GALNT13: variants seen among roughly 807,000 people sequenced by gnomAD.
GALNT13 encodes polypeptide N-acetylgalactosaminyltransferase 13, also known as UDP-GalNAc:polypeptide N-acetylgalactosaminyltransferase 13.
In GALNT13, 28 loss-of-function variants were observed where a neutral mutation model predicts 64.2. The ratio of observed to expected loss-of-function variants is 0.44; its 90% CI spans 0.32 to 0.60. The LOEUF (loss-of-function observed/expected upper bound fraction) is 0.60. Among genes scored for constraint, GALNT13 ranks in the 20% least tolerant of loss-of-function variants. The pLI is 0.05. For synonymous variants in GALNT13, 214 were observed against 224.6 expected, an observed-to-expected ratio of 0.95 and a Z score of 0.42; for missense variants, 577 against 669.8, an observed-to-expected ratio of 0.86 and a Z score of 1.53.
chr2:153,978,432 C>T (rs1487602490), intron 3 of GALNT13, among the ~76,000 whole-genome samples: 1 of 152,056 alleles, frequency 6.6e-6, no homozygotes, highest in East Asian at 1.9e-4. Flanking sequence ...GTGTCCCCAC[C>T]CAAATCTCAA....
intron 9 of GALNT13, among the ~76,000 whole-genome samples, chr2:154,358,473 A>C (rs1009998385): frequency 6.6e-6 from 1 of 152,112 alleles, no homozygotes; most frequent in Admixed American, 6.6e-5. Context: ...TTCATATAAA[A>C]TTTTACAATT....
At chr2:153,944,782 C>G (rs973353430) in intron 3 of GALNT13, 143 bp downstream of exon 3, 2 of 619,968 alleles carry the variant, frequency 3.2e-6, no homozygotes, top group Non-Finnish European at 5.5e-6. Flanking sequence ...CATGTTTAAC[C>G]ATGGGGAAGT....
chr2:153,433,821 CT>C, the GALNT13 span, among the ~76,000 whole-genome samples: 15 of 151,752 alleles, frequency 9.9e-5, no homozygotes, highest in African/African-American at 2.7e-4. Flanking sequence ...GTTACTTATA[CT>C]TTTTTTTAAT....
intron 12 of GALNT13, among the ~76,000 whole-genome samples, chr2:154,442,095 A>G (rs942849797): frequency 1.3e-5 from 2 of 152,122 alleles, no homozygotes; most frequent in African/African-American, 4.8e-5. Context: ...AGTATTTCAA[A>G]TGGAATAGCT....
chr2:153,488,469 C>T, the GALNT13 span, among the ~76,000 whole-genome samples: 2 of 152,170 alleles, frequency 1.3e-5, no homozygotes, highest in Non-Finnish European at 2.9e-5. Context: ...TTTCAGGCTG[C>T]TGAGTGACCC....
intron 3 of GALNT13, among the ~76,000 whole-genome samples, chr2:154,112,865 T>A (rs1383728175): frequency 6.6e-6 from 1 of 152,148 alleles, no homozygotes; most frequent in African/African-American, 2.4e-5. Context: ...GGTGCAGGCT[T>A]GGGGAGAGAA....
chr2:154,169,621 C>A (rs1480751518), intron 4 of GALNT13, among the ~76,000 whole-genome samples: 1 of 152,150 alleles, frequency 6.6e-6, no homozygotes, highest in Non-Finnish European at 1.5e-5. Context: ...TCCTTGGATA[C>A]AGGCTGCCTT....
At chr2:154,208,623 T>C (rs1168951768) in intron 4 of GALNT13, among the ~76,000 whole-genome samples, 1 of 108,340 alleles carries the variant, frequency 9.2e-6, no homozygotes, top group Non-Finnish European at 1.9e-5. Context: ...GTTTTGCGTG[T>C]CTGTGTGTGT....
intron 9 of GALNT13, among the ~76,000 whole-genome samples, chr2:154,378,532 A>G (rs189120084): frequency 3.3e-5 from 5 of 152,252 alleles, no homozygotes; most frequent in Admixed American, 6.5e-5. Context: ...TATTCTGCCT[A>G]TGTTTAACAA....
At chr2:153,262,231 G>A in the GALNT13 span, among the ~76,000 whole-genome samples, 1 of 152,148 alleles carries the variant, frequency 6.6e-6, no homozygotes, top group Admixed American at 6.5e-5. Context: ...GTACTGCCTG[G>A]CTACCTTTGC....
At chr2:154,397,032 T>C (rs13028098) in intron 10 of GALNT13, among the ~76,000 whole-genome samples, 3 of 151,438 alleles carry the variant, frequency 2.0e-5, no homozygotes, top group Non-Finnish European at 2.9e-5. Context: ...TCTCAATTGG[T>C]CAAAACAAGA....
chr2:154,330,501 T>C (rs1050930913), intron 9 of GALNT13, among the ~76,000 whole-genome samples: 1 of 152,132 alleles, frequency 6.6e-6, no homozygotes, highest in Non-Finnish European at 1.5e-5. Context: ...CCCTAATTTA[T>C]ATACAGCTGA....
At chr2:153,628,515 G>A in the GALNT13 span, among the ~76,000 whole-genome samples, 54 of 151,076 alleles carry the variant, frequency 3.6e-4, no homozygotes, top group Admixed American at 9.3e-4. Flanking sequence ...TTTGAAATAC[G>A]TCCCATCAAT....
intron 9 of GALNT13, among the ~76,000 whole-genome samples, chr2:154,310,372 T>A (rs1693967650): frequency 1.3e-5 from 2 of 152,166 alleles, no homozygotes; most frequent in African/African-American, 4.8e-5. Flanking sequence ...TAAGTCCCAA[T>A]CACCATTACC....
intron 3 of GALNT13, among the ~76,000 whole-genome samples, chr2:153,946,768 T>A (rs1408610892): frequency 1.3e-5 from 2 of 152,132 alleles, no homozygotes; most frequent in Non-Finnish European, 2.9e-5. Flanking sequence ...GACACAAACA[T>A]TCAGTACATT....
the GALNT13 span, among the ~76,000 whole-genome samples, chr2:153,260,931 G>A: frequency 1.3e-5 from 2 of 151,858 alleles, no homozygotes; most frequent in East Asian, 1.9e-4. Context: ...TTTTCAAATA[G>A]CCTGTCTACA....
chr2:154,324,142 A>G (rs188512035), intron 9 of GALNT13, among the ~76,000 whole-genome samples: 52 of 151,770 alleles, frequency 3.4e-4, no homozygotes, highest in African/African-American at 1.2e-3. Flanking sequence ...TTTCTTCTCT[A>G]TTGTTCCAAT....
chr2:153,091,525 A>G, the GALNT13 span, among the ~76,000 whole-genome samples: 2 of 152,150 alleles, frequency 1.3e-5, no homozygotes, highest in African/African-American at 4.8e-5. Context: ...GGATCTGTGA[A>G]TTATTTAAAT....
chr2:153,664,837 C>T, the GALNT13 span, among the ~76,000 whole-genome samples: 1 of 152,268 alleles, frequency 6.6e-6, no homozygotes, highest in African/African-American at 2.4e-5. Context: ...AACTAATCCA[C>T]CTAGCCCACT....
Sources: gnomAD v4.1 joint callset for allele counts (sites outside exome capture counted in the v4.1 genomes callset) on GRCh38, gnomAD v4.1.1 for gene constraint, MANE v1.5 for transcripts, NCBI Gene and HGNC (gene_info 2026-07-23, HGNC 2026-07-21) for gene names.